Variants in FAM120B observed in about 807,000 individuals in gnomAD.
FAM120B encodes the protein family with sequence similarity 120 member B, also known as constitutive coactivator of peroxisome proliferator-activated receptor gamma.
A neutral mutation model predicts 96.3 loss-of-function variants in FAM120B; 83 were observed. That is an observed-to-expected ratio of 0.86 (90% CI 0.72 to 1.03). FAM120B has a LOEUF of 1.03. Ranked by LOEUF, FAM120B falls within the 50% of genes least tolerant of loss-of-function variation. FAM120B has a pLI of 0.00. For synonymous variants in FAM120B, 407 were observed against 402.7 expected, an observed-to-expected ratio of 1.01 and a Z score of -0.13; for missense variants, 1,027 against 1,121.2, an observed-to-expected ratio of 0.92 and a Z score of 1.20.
In FAM120B at chr6:170,388,353, G is replaced by T. The variant is rs771591142; in HGVS notation, c.2350G>T (p.Val784Phe). Reference protein sequence around the residue: ...SLLVRGLTTLVLVNSACGFPW... With the variant: ...SLLVRGLTTLFLVNSACGFPW... ...TCTCGTCCGCGGCCTCACCACTCTG[G>T]TTTTAGTCAACAGCGCATGTGGCTT... is the stretch of plus-strand genomic sequence containing the variant. The change falls in exon 7 of 11, where the codon GTT becomes TTT. Residue 784 changes from valine to phenylalanine, a missense_variant. Transcript: ENST00000476287. 2 of 1,614,180 alleles carry T rather than the reference G, an allele frequency of 1.2e-6. No individual in the cohort carries two copies. Among genetic ancestry groups the T allele is most frequent in the Non-Finnish European group, 8.5e-7 (1 of 1,180,040 alleles).
chr6:170,334,021 G>GGCCAGACGTT (rs1426746222), intron 4 of FAM120B, among the ~76,000 whole-genome samples: 2 of 152,114 alleles, frequency 1.3e-5, no homozygotes, highest in Non-Finnish European at 2.9e-5. Flanking sequence ...CCATTCTGTG[G>GGCCAGACGTT]CTGGGAGTCT....
rs1430143454 is a variant in FAM120B, at chr6:170,391,061, G to A, written c.2539G>A (p.Ala847Thr). The A allele has an allele frequency of 6.2e-7, 1 of 1,614,022 alleles. No individual in the cohort carries two copies. Among genetic ancestry groups the A allele is most frequent in the Non-Finnish European group, 8.5e-7 (1 of 1,180,030 alleles). ...CAACCTGAAGGCAGTCGTCTGCAAG[G>A]CCTGCATGAAGGAGAACAGACGCAT... ...FHNLKAVVCKACMKENRRITG... is the reference protein window; with the variant it reads ...FHNLKAVVCKTCMKENRRITG... The change falls in exon 8 of 11, where the codon GCC becomes ACC. Residue 847 changes from alanine (A) to threonine (T), a missense_variant. By Grantham distance (58) the Ala-to-Thr change is moderately conservative (BLOSUM62 0). Around this residue, in one of 3 missense-constraint regions of FAM120B, gnomAD observed 142 missense variants for 122.5 expected, o/e 1.16. Transcript: ENST00000476287.
chr6:170,346,314 C>T (rs150255740), intron 4 of FAM120B, among the ~76,000 whole-genome samples: 1 of 152,004 alleles, frequency 6.6e-6, no homozygotes, highest in African/African-American at 2.4e-5. Context: ...GTCTTATTCA[C>T]ATTAAAAAAG....
chr6:170,403,005 C>G (rs1778664371), intron 9 of FAM120B, among the ~76,000 whole-genome samples: 1 of 152,038 alleles, frequency 6.6e-6, no homozygotes. Context: ...CTGGGAGACT[C>G]TTAGGTTAAA....
At chr6:170,352,246 G>A (rs537623867) in intron 5 of FAM120B, among the ~76,000 whole-genome samples, 3 of 152,302 alleles carry the variant, frequency 2.0e-5, no homozygotes, top group South Asian at 4.1e-4. Flanking sequence ...ACTATCCTAT[G>A]TATGTATGCA....
chr6:170,291,928 G>T (rs1022430265), upstream of FAM120B, among the ~76,000 whole-genome samples: 1 of 152,172 alleles, frequency 6.6e-6, no homozygotes, highest in Non-Finnish European at 1.5e-5. Context: ...TATCCCCCTC[G>T]GCCTCCCTCC....
intron 4 of FAM120B, among the ~76,000 whole-genome samples, chr6:170,344,988 G>A (rs534197263): frequency 6.6e-6 from 1 of 152,176 alleles, no homozygotes; most frequent in Admixed American, 6.5e-5. Flanking sequence ...CCTACGCTTT[G>A]TAGTTGGACA....
chr6:170,381,289 G>A (rs1204492653), intron 6 of FAM120B, among the ~76,000 whole-genome samples: 1 of 152,168 alleles, frequency 6.6e-6, no homozygotes, highest in Non-Finnish European at 1.5e-5. Flanking sequence ...CAACTTAGAT[G>A]TAGGGGCCAA....
intron 7 of FAM120B, among the ~76,000 whole-genome samples, chr6:170,390,160 T>TC (rs1790408292): frequency 6.6e-6 from 1 of 152,152 alleles, no homozygotes; most frequent in Admixed American, 6.5e-5. Flanking sequence ...GATAAAGCAC[T>TC]CCAAGCTTTC....
Position 170,295,459 on chromosome 6 carries a change from C to A in FAM120B, c.48+6C>A. On this transcript the variant is annotated splice_donor_region_variant and intron_variant, in intron 1 of 10. Coordinates refer to the FAM120B transcript ENST00000537664. The surrounding 1 kb of genome is among the most constrained non-coding windows in gnomAD (Gnocchi z 7.8). ...CTGGCGCAGGCAGGAAGGAGGTGAG[C>A]GCCGCCCGCGTGCACACAAGGCGCG... The A allele has an allele frequency of 1.4e-6, 1 of 700,412 alleles. No homozygotes were observed. The highest frequency in any genetic ancestry group is 1.5e-5 in the South Asian group (1 of 67,268). 43.4% of individuals were successfully genotyped at this position (700,412 alleles called of 1,614,324 possible). A position where few individuals can be genotyped will look rare whatever the true frequency, so the allele number is the denominator to read the frequency against.
chr6:170,353,632 A>G (rs1439477144), intron 5 of FAM120B, among the ~76,000 whole-genome samples: 1 of 152,048 alleles, frequency 6.6e-6, no homozygotes, highest in African/African-American at 2.4e-5. Context: ...CTATACACCA[A>G]CAACAGGAAA....
chr6:170,330,813 T>C (rs1007110859), intron 4 of FAM120B: 37 of 445,660 alleles, frequency 8.3e-5, no homozygotes, highest in Non-Finnish European at 1.3e-4. Flanking sequence ...TCCACAGCAG[T>C]GGAGAGAGAA....
At chr6:170,339,819 C>G (rs549457735) in intron 4 of FAM120B, among the ~76,000 whole-genome samples, 97 of 152,020 alleles carry the variant, frequency 6.4e-4, no homozygotes, top group African/African-American at 2.2e-3. Context: ...ATTGGCCCCC[C>G]ACTCTTTTGC....
At chr6:170,393,934 T>C (rs1790599286) in intron 8 of FAM120B, among the ~76,000 whole-genome samples, 2 of 152,228 alleles carry the variant, frequency 1.3e-5, no homozygotes, top group African/African-American at 4.8e-5. Flanking sequence ...TGTTGGCCTC[T>C]GGACCCAAGC....
At chr6:170,293,594 C>T (rs1783932277), upstream of FAM120B, among the ~76,000 whole-genome samples, 2 of 152,146 alleles carry the variant, frequency 1.3e-5, no homozygotes, top group African/African-American at 4.8e-5. Context: ...TTATGCCACG[C>T]GATTCTGTAT....
intron 4 of FAM120B, among the ~76,000 whole-genome samples, chr6:170,346,655 A>G (rs1281455550): frequency 1.3e-5 from 2 of 152,012 alleles, no homozygotes; most frequent in African/African-American, 4.8e-5. Flanking sequence ...GCCCAGCCTC[A>G]GTTGCTGTAA....
In FAM120B at chr6:170,374,958, T is replaced by C. The variant is rs1249190811; in HGVS notation, c.2284-13329T>C. Among the ~76,000 whole-genome samples the C allele has an allele frequency of 5.3e-5, 8 of 152,358 alleles. No individual in the cohort carries two copies. The East Asian group carries it at 1.5e-3, about 29-fold the overall frequency. On this transcript the variant is annotated intron_variant, in intron 6 of 10. Coordinates refer to ENST00000476287, the MANE Select transcript of FAM120B (RefSeq NM_032448.3). ...ACTTCCACATTTGCACTTGGTTCAG[T>C]AGTTGTCAGCTGTTGGTGACTGAGC...
At position 170,402,009 on chromosome 6, in the gene FAM120B, T is replaced by A. The variant is rs138191156; in HGVS notation, c.2693-2541T>A. On this transcript the variant is annotated intron_variant, in intron 9 of 10. Coordinates refer to ENST00000476287, the MANE Select transcript of FAM120B (RefSeq NM_032448.3). ...CGAACATGCCATCCTCCCTCAGGAC[T>A]CCCTGCGCCCTGGGCTCTGTGGGCC... Among the ~76,000 whole-genome samples, 1,322 of 152,332 alleles carry A rather than the reference T, an allele frequency of 8.7e-3. 6 individuals are homozygous for A. Among genetic ancestry groups the A allele is most frequent in the Non-Finnish European group, 0.013 (864 of 68,022 alleles).
At chr6:170,313,583 T>C (rs150571230) in intron 1 of FAM120B, among the ~76,000 whole-genome samples, 23 of 152,334 alleles carry the variant, frequency 1.5e-4, no homozygotes, top group African/African-American at 4.3e-4. Flanking sequence ...GTACAAACAT[T>C]GTGATGTTAT....
Sources: allele counts gnomAD v4.1 joint callset (sites outside exome capture counted in the v4.1 genomes callset), GRCh38; gene constraint gnomAD v4.1.1; regional missense constraint gnomAD v4.1.1; non-coding constraint Gnocchi (gnomAD v3.1); transcripts MANE v1.5; gene names NCBI Gene and HGNC (gene_info 2026-07-23, HGNC 2026-07-21).